TOP6BL: variants seen among roughly 807,000 people sequenced by gnomAD.
TOP6BL encodes the protein type 2 DNA topoisomerase 6 subunit B-like.
At chr11:66,800,658 T>C in the TOP6BL span, 2 of 1,604,950 alleles carry the variant, frequency 1.2e-6, no homozygotes, top group Non-Finnish European at 8.5e-7. Context: ...TTCATTTCAG[T>C]GTAAAGGTAA....
At chr11:66,796,507 TG>T in the TOP6BL span, 3 of 676,444 alleles carry the variant, frequency 4.4e-6, no homozygotes, top group East Asian at 8.3e-5. Context: ...TTTGAGGTCA[TG>T]GTGGCTCATA....
the TOP6BL span, chr11:66,839,230 T>C: frequency 2.2e-6 from 1 of 456,044 alleles, no homozygotes; most frequent in South Asian, 1.5e-5. Context: ...GCTTTTAAAA[T>C]GTACTAATGC....
chr11:66,791,200 C>A, the TOP6BL span, among the ~76,000 whole-genome samples: 1 of 152,074 alleles, frequency 6.6e-6, no homozygotes, highest in Non-Finnish European at 1.5e-5. Flanking sequence ...TTAATTTGGG[C>A]CTGCGAGGAA....
At chr11:66,829,731 A>G in the TOP6BL span, among the ~76,000 whole-genome samples, 3 of 151,954 alleles carry the variant, frequency 2.0e-5, no homozygotes, top group African/African-American at 7.3e-5. Flanking sequence ...CTACAAAAAA[A>G]TAGAAAAATT....
chr11:66,813,792 T>G, the TOP6BL span: 1 of 1,408,008 alleles, frequency 7.1e-7, no homozygotes, highest in Non-Finnish European at 1.0e-6. Context: ...AGGTCAGTGT[T>G]GTTTGTTTGT....
chr11:66,839,009 G>A, the TOP6BL span: 2 of 405,000 alleles, frequency 4.9e-6, no homozygotes, highest in Admixed American at 5.3e-5. Flanking sequence ...GGGATTACAG[G>A]CGTGAGCCAC....
At chr11:66,805,745 G>A in the TOP6BL span, among the ~76,000 whole-genome samples, 1 of 152,062 alleles carries the variant, frequency 6.6e-6, no homozygotes, top group Non-Finnish European at 1.5e-5. Context: ...ATAAGCCACT[G>A]TGCTCGGCCT....
At chr11:66,839,591 G>A in the TOP6BL span, among the ~76,000 whole-genome samples, 1 of 152,330 alleles carries the variant, frequency 6.6e-6, no homozygotes, top group South Asian at 2.1e-4. Context: ...ATGTGTCCCT[G>A]AAATCACTGT....
chr11:66,777,451 C>T, the TOP6BL span, among the ~76,000 whole-genome samples: 1 of 152,216 alleles, frequency 6.6e-6, no homozygotes, highest in Admixed American at 6.6e-5. Flanking sequence ...ATACACAGTT[C>T]TCAATAAGTG....
the TOP6BL span, chr11:66,813,886 G>A: frequency 6.2e-7 from 1 of 1,613,738 alleles, no homozygotes; most frequent in Admixed American, 1.7e-5. Flanking sequence ...TGGACCTTTG[G>A]GTCTGCCTCT....
the TOP6BL span, among the ~76,000 whole-genome samples, chr11:66,831,329 T>C: frequency 1.3e-5 from 2 of 152,224 alleles, no homozygotes; most frequent in African/African-American, 4.8e-5. Flanking sequence ...ACTTTTGTTA[T>C]AGCCCCAAAA....
the TOP6BL span, among the ~76,000 whole-genome samples, chr11:66,809,603 A>G: frequency 1.5e-4 from 23 of 152,232 alleles, no homozygotes; most frequent in African/African-American, 5.3e-4. Context: ...GGTATTTTAT[A>G]TTGGAATTAT....
chr11:66,834,437 C>T, the TOP6BL span, among the ~76,000 whole-genome samples: 1 of 152,244 alleles, frequency 6.6e-6, no homozygotes, highest in East Asian at 1.9e-4. Flanking sequence ...AAGAGTGGCA[C>T]CCAGTGGCTT....
chr11:66,804,438 G>C, the TOP6BL span, among the ~76,000 whole-genome samples: 1 of 152,176 alleles, frequency 6.6e-6, no homozygotes, highest in Non-Finnish European at 1.5e-5. Context: ...AATGGTGCAC[G>C]AGGAAGAGAT....
chr11:66,799,509 C>T, the TOP6BL span, among the ~76,000 whole-genome samples: 1 of 150,616 alleles, frequency 6.6e-6, no homozygotes, highest in Non-Finnish European at 1.5e-5. Context: ...GTCAGGAGTT[C>T]AAGACCAGCC....
chr11:66,829,068 C>CAAA, the TOP6BL span, among the ~76,000 whole-genome samples: 12 of 33,098 alleles, frequency 3.6e-4, no homozygotes, highest in Admixed American at 7.3e-4. Flanking sequence ...GCCTCTGTCT[C>CAAA]AAAAAAAAAA....
chr11:66,793,591 C>T, the TOP6BL span, among the ~76,000 whole-genome samples: 5 of 151,204 alleles, frequency 3.3e-5, no homozygotes, highest in African/African-American at 1.2e-4. Flanking sequence ...ATCACAGGTG[C>T]CCGTCACCAC....
At chr11:66,745,185 C>T in the TOP6BL span, among the ~76,000 whole-genome samples, 2 of 152,174 alleles carry the variant, frequency 1.3e-5, no homozygotes, top group South Asian at 2.1e-4. Flanking sequence ...CGGCGGACAC[C>T]CAGGGGCAGA....
chr11:66,773,667 A>C, the TOP6BL span, among the ~76,000 whole-genome samples: 1 of 151,972 alleles, frequency 6.6e-6, no homozygotes, highest in Non-Finnish European at 1.5e-5. Context: ...TTCTAGTTTT[A>C]TAAAGTGAAA....
Sources: allele counts gnomAD v4.1 joint callset (sites outside exome capture counted in the v4.1 genomes callset), GRCh38; gene constraint gnomAD v4.1.1; transcripts MANE v1.5; gene names NCBI Gene and HGNC (gene_info 2026-07-23, HGNC 2026-07-21).